The following SMAP1 variants were observed in gnomAD, a reference collection of about 807,000 sequenced individuals.
The protein encoded by SMAP1 is small ArfGAP 1.
In SMAP1, 24 loss-of-function variants were observed where a neutral mutation model predicts 58.5. The ratio of observed to expected loss-of-function variants is 0.41; its 90% confidence interval spans 0.30 to 0.58. The LOEUF is 0.58. Among genes scored for constraint, SMAP1 ranks in the 20% least tolerant of loss-of-function variants. The pLI is 0.29. For missense variants in SMAP1, 563 were observed against 566.3 expected, an observed-to-expected ratio of 0.99 and a Z score of 0.06; for synonymous variants, 216 against 196.6, an observed-to-expected ratio of 1.10 and a Z score of -0.82.
intron 6 of SMAP1, among the ~76,000 whole-genome samples, chr6:70,834,767 A>G (rs1770501417): frequency 6.6e-6 from 1 of 152,230 alleles, no homozygotes; most frequent in South Asian, 2.1e-4. Context: ...GTTGAAAAGA[A>G]TTCCTTTCTT....
At chr6:70,765,646 C>T (rs1157099675) in intron 3 of SMAP1, among the ~76,000 whole-genome samples, 2 of 152,074 alleles carry the variant, frequency 1.3e-5, no homozygotes, top group Admixed American at 6.6e-5. Context: ...ACTTTCTTAC[C>T]ACATCATTTA....
chr6:70,790,500 C>T (rs999878555), intron 4 of SMAP1, among the ~76,000 whole-genome samples: 7 of 151,526 alleles, frequency 4.6e-5, no homozygotes, highest in African/African-American at 1.5e-4. Flanking sequence ...CTTTAAGGCT[C>T]GACTTTGCCT....
intron 1 of SMAP1, among the ~76,000 whole-genome samples, chr6:70,683,895 A>G (rs955073389): frequency 3.2e-4 from 49 of 152,342 alleles, no homozygotes; most frequent in African/African-American, 1.0e-3. Context: ...TCTTCTGGAA[A>G]TCTGTCTGTT....
chr6:70,785,202 T>C (rs1767956221), intron 4 of SMAP1, among the ~76,000 whole-genome samples: 1 of 152,176 alleles, frequency 6.6e-6, no homozygotes, highest in African/African-American at 2.4e-5. Context: ...CCTGAATGAC[T>C]ACTGGGTACA....
intron 4 of SMAP1, among the ~76,000 whole-genome samples, chr6:70,790,062 T>A (rs1273169601): frequency 9.2e-5 from 14 of 152,252 alleles, no homozygotes; most frequent in Admixed American, 9.2e-4. Context: ...ATATTTTTGT[T>A]CCACTTTTCA....
chr6:70,755,188 G>A (rs1351160066), intron 3 of SMAP1, 123 bp downstream of exon 3: 1 of 764,238 alleles, frequency 1.3e-6, no homozygotes, highest in Non-Finnish European at 2.1e-6. Context: ...ATTAAAGATA[G>A]AAATTGACTT....
At chr6:70,811,462 G>T (rs1194886958) in intron 6 of SMAP1, among the ~76,000 whole-genome samples, 1 of 152,062 alleles carries the variant, frequency 6.6e-6, no homozygotes, top group Non-Finnish European at 1.5e-5. Flanking sequence ...ATGAAAACCT[G>T]CCTGTTACGC....
chr6:70,784,257 G>C, intron 4 of SMAP1, among the ~76,000 whole-genome samples: 2 of 151,936 alleles, frequency 1.3e-5, no homozygotes, highest in Non-Finnish European at 2.9e-5. Context: ...AATGCTGAGA[G>C]ATTTTGTCAC....
intron 1 of SMAP1, among the ~76,000 whole-genome samples, chr6:70,682,660 G>T (rs746002495): frequency 1.3e-5 from 2 of 152,084 alleles, no homozygotes; most frequent in Non-Finnish European, 2.9e-5. Flanking sequence ...TAAGGTCTAT[G>T]TTAAAGAGTA....
At chr6:70,741,034 A>G (rs2149872985) in intron 2 of SMAP1, among the ~76,000 whole-genome samples, 1 of 152,306 alleles carries the variant, frequency 6.6e-6, no homozygotes, top group East Asian at 1.9e-4. Flanking sequence ...GGTCTCTCCC[A>G]CAACACATGG....
In SMAP1 at chr6:70,694,685, T is replaced by C. The variant is rs1393371272; in HGVS notation, c.118+26544T>C. The C allele has an allele frequency of 2.0e-5, 3 of 152,338 alleles. 1 individual carries two copies. The highest frequency in any genetic ancestry group is 4.4e-5 in the Non-Finnish European group (3 of 68,042). 9.4% of individuals were successfully genotyped at this position (152,338 alleles called of 1,614,324 possible). On this transcript the variant is annotated intron_variant, in intron 1 of 10. Coordinates refer to ENST00000370455, the MANE Select transcript of SMAP1 (RefSeq NM_001044305.3). ...TCCAGAGTAATCTCACAAGCTGCCA[T>C]AGAGAATTGCAGCTTTTGCTGAATA...
chr6:70,785,233 T>A (rs966068939), intron 4 of SMAP1, among the ~76,000 whole-genome samples: 5 of 152,078 alleles, frequency 3.3e-5, no homozygotes, highest in South Asian at 2.1e-4. Context: ...AAGGCATAAA[T>A]AAAGATGTTC....
chr6:70,834,779 A>G (rs1347489977), intron 6 of SMAP1, among the ~76,000 whole-genome samples: 5 of 152,334 alleles, frequency 3.3e-5, no homozygotes, highest in Admixed American at 3.3e-4. Context: ...TCCTTTCTTC[A>G]TGACTACAGG....
At chr6:70,821,990 C>G (rs1769911660) in intron 6 of SMAP1, among the ~76,000 whole-genome samples, 1 of 152,024 alleles carries the variant, frequency 6.6e-6, no homozygotes, top group Admixed American at 6.6e-5. Flanking sequence ...GGGAAGAAAT[C>G]CAATTACTTT....
At chr6:70,838,968 G>C (rs1447073158) in intron 7 of SMAP1, among the ~76,000 whole-genome samples, 8 of 152,148 alleles carry the variant, frequency 5.3e-5, no homozygotes, top group African/African-American at 1.9e-4. Flanking sequence ...AGCTTGTAGA[G>C]AGGTAAATCT....
chr6:70,844,944 C>T (rs1032175257), intron 7 of SMAP1, among the ~76,000 whole-genome samples: 14 of 152,294 alleles, frequency 9.2e-5, no homozygotes, highest in Admixed American at 4.6e-4. Context: ...ATATCATGGA[C>T]GCAGCCTTCT....
intron 1 of SMAP1, among the ~76,000 whole-genome samples, chr6:70,671,541 G>A (rs1766266439): frequency 6.6e-6 from 1 of 152,162 alleles, no homozygotes; most frequent in Non-Finnish European, 1.5e-5. Context: ...TCGCGCCACT[G>A]TACTCCAGCC....
intron 7 of SMAP1, among the ~76,000 whole-genome samples, chr6:70,851,732 G>T (rs1031923331): frequency 6.6e-6 from 1 of 152,018 alleles, no homozygotes; most frequent in African/African-American, 2.4e-5. Flanking sequence ...AAAATAAACC[G>T]GTTTTGAATT....
intron 7 of SMAP1, among the ~76,000 whole-genome samples, chr6:70,841,125 G>C (rs538453041): frequency 6.6e-6 from 1 of 152,318 alleles, no homozygotes; most frequent in Admixed American, 6.5e-5. Flanking sequence ...TTTTTAGAGT[G>C]TGGGGGCATA....
Sources: gnomAD v4.1 joint callset for allele counts (sites outside exome capture counted in the v4.1 genomes callset) on GRCh38, gnomAD v4.1.1 for gene constraint, MANE v1.5 for transcripts, NCBI Gene and HGNC (gene_info 2026-07-23, HGNC 2026-07-21) for gene names.